Variants in STARD10 observed in about 807,000 individuals in gnomAD.
The protein encoded by STARD10 is START domain-containing protein 10.
A neutral mutation model predicts 36.0 loss-of-function variants in STARD10; 24 were observed. The observed-to-expected ratio is 0.67, with a 90% CI of 0.48 to 0.94. The LOEUF is 0.94. Among genes scored for constraint, STARD10 ranks in the 40% least tolerant of loss-of-function variants. The pLI, the probability that STARD10 is intolerant of heterozygous loss-of-function variation, is 0.00. For synonymous variants in STARD10, 156 were observed against 161.9 expected (o/e 0.96, Z 0.28); for missense variants, 335 against 396.6 (o/e 0.84, Z 1.32).
intron 1 of STARD10, among the ~76,000 whole-genome samples, chr11:72,788,008 G>T (rs1429905110): frequency 6.6e-6 from 1 of 152,148 alleles, no homozygotes; most frequent in Non-Finnish European, 1.5e-5. Flanking sequence ...GTTTGGGGGG[G>T]GCAGCCCCAA....
At chr11:72,772,428 C>T (rs1305557320) in intron 2 of STARD10, among the ~76,000 whole-genome samples, 2 of 152,130 alleles carry the variant, frequency 1.3e-5, no homozygotes, top group African/African-American at 4.8e-5. Context: ...TGGCTCTGGA[C>T]TTGTCCCTTA....
At position 72,754,818 on chromosome 11, in the gene STARD10, G is replaced by T. The variant is rs1858616872; in HGVS notation, c.*79C>A. ...CCCGGTGCCACCAGGTGCCGGGTGG[G>T]GGAGGGGAGAAAGTGCAGGAGCGGC... On this transcript the variant is annotated 3_prime_UTR_variant, in exon 7 of 7. Transcript: ENST00000334805. The T allele has an allele frequency of 6.5e-7, 1 of 1,537,862 alleles. No homozygotes were observed. Among genetic ancestry groups the T allele is most frequent in the Admixed American group, 1.9e-5 (1 of 53,298 alleles).
chr11:72,761,522 T>C (rs910649418), intron 2 of STARD10, among the ~76,000 whole-genome samples: 13 of 152,160 alleles, frequency 8.5e-5, no homozygotes, highest in Non-Finnish European at 1.9e-4. Flanking sequence ...TTTTGGAGGC[T>C]GAGACGGGCA....
At chr11:72,783,967 G>T (rs540762317) in intron 1 of STARD10, among the ~76,000 whole-genome samples, 2 of 152,166 alleles carry the variant, frequency 1.3e-5, no homozygotes, top group African/African-American at 4.8e-5. Context: ...AAAGGTGGGC[G>T]ACCTGGCAGG....
intron 1 of STARD10, among the ~76,000 whole-genome samples, chr11:72,790,021 C>T (rs1859121456): frequency 6.6e-6 from 1 of 152,228 alleles, no homozygotes; most frequent in Admixed American, 6.5e-5. Flanking sequence ...CTGCCTCAGA[C>T]TGATGAAGGC....
At chr11:72,786,583 C>A (rs770183783) in intron 1 of STARD10, among the ~76,000 whole-genome samples, 2 of 152,108 alleles carry the variant, frequency 1.3e-5, no homozygotes, top group African/African-American at 2.4e-5. Context: ...CCTCAGGGAG[C>A]CACACTGTAG....
At chr11:72,768,401 G>A (rs1352014735) in intron 2 of STARD10, among the ~76,000 whole-genome samples, 1 of 151,796 alleles carries the variant, frequency 6.6e-6, no homozygotes, top group Non-Finnish European at 1.5e-5. Context: ...TGGGTTTCTG[G>A]GGCCCCCAAA....
intron 1 of STARD10, among the ~76,000 whole-genome samples, chr11:72,786,265 T>C (rs963954221): frequency 3.3e-5 from 5 of 151,908 alleles, no homozygotes; most frequent in African/African-American, 1.2e-4. Flanking sequence ...GGCAAGAGGA[T>C]GGCTTGAGCC....
Position 72,782,943 on chromosome 11 carries a change from C to T in STARD10, c.-113-1649G>A, listed in dbSNP as rs1859023896. Among the ~76,000 whole-genome samples the T allele has an allele frequency of 2.0e-5, 3 of 152,310 alleles. No homozygotes were observed. The South Asian group carries it at 6.2e-4, about 32-fold the overall frequency. ...CCAGCACGCAGATCTCAGCCTCCTC[C>T]CACCTCCGTTCCTGTCTGTGCCCCG... On this transcript the variant is annotated intron_variant, in intron 1 of 6. Coordinates refer to ENST00000334805, the MANE Select transcript of STARD10 (RefSeq NM_006645.3).
chr11:72,765,287 A>G (rs1858772916), intron 2 of STARD10, among the ~76,000 whole-genome samples: 1 of 152,120 alleles, frequency 6.6e-6, no homozygotes, highest in Non-Finnish European at 1.5e-5. Context: ...AGAAAAGAAA[A>G]AGAAAACTGA....
chr11:72,775,187 G>A (rs981553791), intron 2 of STARD10, among the ~76,000 whole-genome samples: 4 of 152,196 alleles, frequency 2.6e-5, no homozygotes, highest in South Asian at 2.1e-4. Flanking sequence ...TGCGCACATC[G>A]CAAAGAGTTA....
intron 3 of STARD10, 71 bp downstream of exon 3, chr11:72,759,163 G>T: frequency 6.4e-7 from 1 of 1,563,012 alleles, no homozygotes; most frequent in Non-Finnish European, 8.7e-7. Flanking sequence ...AGGGAGGGGG[G>T]AAGAGGAGGC....
At position 72,781,329 on chromosome 11, in the gene STARD10, C is replaced by T. The variant is rs1038260936; in HGVS notation, c.-113-35G>A. On this transcript the variant is annotated intron_variant, in intron 1 of 6. Coordinates refer to ENST00000334805, the MANE Select transcript of STARD10 (RefSeq NM_006645.3). This position sits in a 1 kb window ranked among gnomAD's most constrained non-coding sequence, Gnocchi z 4.7. ...CGGTTTGGGGACGGGAATCAGTGCG[C>T]TGGGGGCGCGGGTGGGGCTGTTCGG... 5 of 672,368 alleles carry T rather than the reference C, an allele frequency of 7.4e-6. No individual in the cohort carries two copies. The highest frequency in any genetic ancestry group is 7.4e-5 in the South Asian group (4 of 53,804). 41.7% of individuals were successfully genotyped at this position (672,368 alleles called of 1,614,324 possible).
At chr11:72,757,145 C>CAAAAAA (rs34839119) in intron 5 of STARD10, among the ~76,000 whole-genome samples, 233 of 102,126 alleles carry the variant, frequency 2.3e-3, no homozygotes, top group African/African-American at 8.1e-3. Flanking sequence ...AACTCTGTCT[C>CAAAAAA]AAAAAAAAAA....
Position 72,755,933 on chromosome 11 carries a change from C to A in STARD10, c.578-180G>T, listed in dbSNP as rs1591262200. The A allele has an allele frequency of 1.6e-5, 9 of 572,676 alleles. No homozygotes were observed. The East Asian group carries it at 2.7e-4, about 17-fold the overall frequency. The allele number at this position is 572,676 out of a possible 1,614,324, so 35.5% of individuals were successfully genotyped here. A position where few individuals can be genotyped will look rare whatever the true frequency, so the allele number is the denominator to read the frequency against. On this transcript the variant is annotated intron_variant, in intron 5 of 6. Transcript: ENST00000334805. Reference sequence around the variant, plus strand: ...CTCCCTTCCACCTCAGACCGAAGTCCTCAGGCTTAGCTCTGTCCCCCACTT... The same window carrying A: ...CTCCCTTCCACCTCAGACCGAAGTCATCAGGCTTAGCTCTGTCCCCCACTT...
chr11:72,758,412 CTG>C (rs1457843151), intron 4 of STARD10, 116 bp downstream of exon 4: 6 of 770,114 alleles, frequency 7.8e-6, no homozygotes, highest in Non-Finnish European at 1.1e-5. Flanking sequence ...AGGAAGGAAA[CTG>C]AGGGCCAGTG....
intron 1 of STARD10, among the ~76,000 whole-genome samples, chr11:72,783,767 C>T (rs1859035428): frequency 6.6e-6 from 1 of 152,092 alleles, no homozygotes; most frequent in African/African-American, 2.4e-5. Flanking sequence ...CCTCTCATAC[C>T]CACCATCCAG....
intron 4 of STARD10, among the ~76,000 whole-genome samples, 193 bp downstream of exon 4, chr11:72,758,337 A>C (rs571745022): frequency 6.6e-6 from 1 of 152,300 alleles, no homozygotes; most frequent in Admixed American, 6.5e-5. Flanking sequence ...AGGTGGCCAC[A>C]CTGCCCTCTC....
At chr11:72,787,232 T>C (rs141750401) in intron 1 of STARD10, among the ~76,000 whole-genome samples, 27 of 152,254 alleles carry the variant, frequency 1.8e-4, no homozygotes, top group African/African-American at 6.0e-4. Flanking sequence ...CAGGGAACTT[T>C]GTGGCATCTG....
Sources: allele counts gnomAD v4.1 joint callset (sites outside exome capture counted in the v4.1 genomes callset), GRCh38; gene constraint gnomAD v4.1.1; non-coding constraint Gnocchi (gnomAD v3.1); transcripts MANE v1.5; gene names NCBI Gene and HGNC (gene_info 2026-07-23, HGNC 2026-07-21).